Variants in ATOSA observed in about 807,000 individuals in gnomAD.
The protein encoded by ATOSA is atos homolog A.
the ATOSA span, among the ~76,000 whole-genome samples, chr15:52,606,432 G>C: frequency 6.6e-6 from 1 of 152,124 alleles, no homozygotes; most frequent in African/African-American, 2.4e-5. Flanking sequence ...ACCCTGGCAA[G>C]TTTTATAGTT....
the ATOSA span, among the ~76,000 whole-genome samples, chr15:52,646,864 T>C: frequency 2.0e-5 from 3 of 152,206 alleles, no homozygotes; most frequent in East Asian, 3.9e-4. Context: ...AGCAAGGGGG[T>C]TGATAGCATT....
chr15:52,695,709 T>A, the ATOSA span, among the ~76,000 whole-genome samples: 1 of 151,980 alleles, frequency 6.6e-6, no homozygotes, highest in African/African-American at 2.4e-5. Context: ...GCAGAATAAG[T>A]GGGATTTGGG....
the ATOSA span, chr15:52,649,354 G>A: frequency 6.6e-6 from 1 of 151,996 alleles, no homozygotes; most frequent in Non-Finnish European, 1.5e-5. Context: ...CCTGAAGTAG[G>A]AACGACTTAA....
the ATOSA span, among the ~76,000 whole-genome samples, chr15:52,661,820 C>G: frequency 6.9e-6 from 1 of 145,982 alleles, no homozygotes; most frequent in Non-Finnish European, 1.5e-5. Flanking sequence ...TAGGTATGTT[C>G]TTTACTTCAA....
the ATOSA span, among the ~76,000 whole-genome samples, chr15:52,699,787 A>AG: frequency 1.3e-5 from 2 of 152,156 alleles, no homozygotes; most frequent in Non-Finnish European, 1.5e-5. Flanking sequence ...TAACCTGCAG[A>AG]GGATCACCAT....
the ATOSA span, chr15:52,605,263 T>A: frequency 6.6e-7 from 1 of 1,523,208 alleles, no homozygotes; most frequent in East Asian, 2.3e-5. Flanking sequence ...GGAAAATAAT[T>A]AGATGTTAAT....
the ATOSA span, among the ~76,000 whole-genome samples, chr15:52,676,472 A>G: frequency 6.6e-6 from 1 of 152,174 alleles, no homozygotes; most frequent in Non-Finnish European, 1.5e-5. Flanking sequence ...ATATTTCTGT[A>G]CTAGTTTGCT....
chr15:52,676,298 A>G, the ATOSA span, among the ~76,000 whole-genome samples: 1 of 152,244 alleles, frequency 6.6e-6, no homozygotes, highest in African/African-American at 2.4e-5. Flanking sequence ...AGAGTTGTCC[A>G]TAACTCTGCC....
chr15:52,677,751 T>C, the ATOSA span, among the ~76,000 whole-genome samples: 1 of 152,214 alleles, frequency 6.6e-6, no homozygotes, highest in Non-Finnish European at 1.5e-5. Flanking sequence ...ACAAATACCA[T>C]TCTTTACTTT....
the ATOSA span, among the ~76,000 whole-genome samples, chr15:52,627,836 G>A: frequency 0.088 from 13,327 of 152,114 alleles, 864 homozygotes; most frequent in East Asian, 0.26. Context: ...TATCTTAAGA[G>A]AATTTATAAT....
chr15:52,589,186 C>T, the ATOSA span, among the ~76,000 whole-genome samples: 5 of 152,296 alleles, frequency 3.3e-5, no homozygotes, highest in South Asian at 2.1e-4. Context: ...AGCAATGAAA[C>T]TTTAACAATT....
At chr15:52,664,899 C>T in the ATOSA span, among the ~76,000 whole-genome samples, 3 of 151,282 alleles carry the variant, frequency 2.0e-5, no homozygotes, top group Non-Finnish European at 4.4e-5. Context: ...GATCATGCCA[C>T]TGCACTCCAG....
the ATOSA span, chr15:52,649,389 G>A: frequency 1.3e-5 from 2 of 152,158 alleles, no homozygotes; most frequent in South Asian, 2.1e-4. Context: ...AGAACACTTA[G>A]AGAAAAAGAA....
the ATOSA span, among the ~76,000 whole-genome samples, chr15:52,647,275 A>T: frequency 2.6e-5 from 4 of 152,232 alleles, no homozygotes; most frequent in South Asian, 8.3e-4. Flanking sequence ...TTTACCCTTG[A>T]TCAAAATATG....
At chr15:52,610,505 G>C in the ATOSA span, 1 of 1,062,772 alleles carries the variant, frequency 9.4e-7, no homozygotes, top group South Asian at 1.9e-5. Flanking sequence ...TTACCACTGA[G>C]GTTTACTTTT....
chr15:52,606,446 C>T, the ATOSA span, among the ~76,000 whole-genome samples: 1 of 152,126 alleles, frequency 6.6e-6, no homozygotes, highest in Non-Finnish European at 1.5e-5. Flanking sequence ...TATAGTTTCC[C>T]TAGCTCAAGG....
chr15:52,623,062 G>A, the ATOSA span, among the ~76,000 whole-genome samples: 1 of 151,996 alleles, frequency 6.6e-6, no homozygotes, highest in African/African-American at 2.4e-5. Context: ...GGGAGGCTGA[G>A]GCAGCAGGAC....
chr15:52,638,299 C>G, the ATOSA span, among the ~76,000 whole-genome samples: 1 of 152,124 alleles, frequency 6.6e-6, no homozygotes, highest in East Asian at 1.9e-4. Flanking sequence ...TAAGAAACAT[C>G]TATATATTTA....
At chr15:52,708,487 T>TGGG in the ATOSA span, among the ~76,000 whole-genome samples, 1 of 150,440 alleles carries the variant, frequency 6.6e-6, no homozygotes, top group African/African-American at 2.4e-5. Context: ...GTTCAAGGTG[T>TGGG]GGGGGGTGGT....
Sources: gnomAD v4.1 joint callset for allele counts (sites outside exome capture counted in the v4.1 genomes callset) on GRCh38, gnomAD v4.1.1 for gene constraint, MANE v1.5 for transcripts, NCBI Gene and HGNC (gene_info 2026-07-23, HGNC 2026-07-21) for gene names.